HDAC9: variants seen among roughly 807,000 people sequenced by gnomAD.
The protein encoded by HDAC9 is histone deacetylase 9, also known as MEF-2 interacting transcription repressor (MITR) protein.
In HDAC9, 41 loss-of-function variants were observed where a neutral mutation model predicts 139.4. The observed-to-expected ratio is 0.29, with a 90% CI of 0.23 to 0.38. The LOEUF (loss-of-function observed/expected upper bound fraction) is 0.38, where lower values mean the gene tolerates loss of function less well. HDAC9 is among the 10% of genes least tolerant of loss of function. The pLI is 1.00. For missense variants in HDAC9, 1,147 were observed against 1,297.0 expected, an observed-to-expected ratio of 0.88 and a Z score of 1.78; for synonymous variants, 517 against 476.2, an observed-to-expected ratio of 1.09 and a Z score of -1.12.
chr7:18,589,018 T>C (rs1830209176), intron 3 of HDAC9, among the ~76,000 whole-genome samples: 1 of 152,160 alleles, frequency 6.6e-6, no homozygotes, highest in Non-Finnish European at 1.5e-5. Flanking sequence ...ACGTTATGAA[T>C]ATGCGGCTGA....
chr7:18,715,374 T>C (rs918674724), intron 12 of HDAC9, among the ~76,000 whole-genome samples: 1 of 152,304 alleles, frequency 6.6e-6, no homozygotes, highest in African/African-American at 2.4e-5. Context: ...CTGTCAGTAA[T>C]TGGCTCCTAG....
chr7:18,235,738 G>A (rs1793769925), intron 2 of HDAC9, among the ~76,000 whole-genome samples: 1 of 152,108 alleles, frequency 6.6e-6, no homozygotes, highest in Non-Finnish European at 1.5e-5. Flanking sequence ...GCCTTATTTT[G>A]TAGTCGAGAA....
At chr7:18,713,347 C>A (rs1482927095) in intron 12 of HDAC9, among the ~76,000 whole-genome samples, 4 of 152,210 alleles carry the variant, frequency 2.6e-5, no homozygotes, top group Admixed American at 2.6e-4. Flanking sequence ...ATTATTGACC[C>A]ATGAGACTAA....
At chr7:18,889,536 T>G (rs1800488391) in intron 22 of HDAC9, among the ~76,000 whole-genome samples, 1 of 152,204 alleles carries the variant, frequency 6.6e-6, no homozygotes. Flanking sequence ...TTATTCAAGA[T>G]ATTTTCATAA....
intron 2 of HDAC9, among the ~76,000 whole-genome samples, chr7:18,571,227 A>G (rs1215432913): frequency 6.6e-6 from 1 of 152,242 alleles, no homozygotes; most frequent in Admixed American, 6.5e-5. Flanking sequence ...TTAATTCAGC[A>G]TTTTAAAATT....
At chr7:18,391,058 C>T (rs1585567016) in intron 1 of HDAC9, among the ~76,000 whole-genome samples, 1 of 152,138 alleles carries the variant, frequency 6.6e-6, no homozygotes, top group African/African-American at 2.4e-5. Flanking sequence ...CATTGCACTC[C>T]AGCCTGGGCA....
chr7:18,309,204 C>T (rs2128622576), intron 1 of HDAC9, among the ~76,000 whole-genome samples: 1 of 152,210 alleles, frequency 6.6e-6, no homozygotes. Flanking sequence ...GCCCAAGGTA[C>T]ACTCGTCCTT....
intron 22 of HDAC9, among the ~76,000 whole-genome samples, chr7:18,911,121 T>C (rs111455082): frequency 5.3e-5 from 8 of 151,726 alleles, no homozygotes; most frequent in African/African-American, 1.9e-4. Context: ...TGATTCTATC[T>C]TGTTATTTGT....
chr7:18,634,082 G>A (rs574285682), intron 7 of HDAC9, among the ~76,000 whole-genome samples: 5 of 152,146 alleles, frequency 3.3e-5, no homozygotes, highest in African/African-American at 1.2e-4. Context: ...GCAATGTTGA[G>A]ATTTTACATT....
chr7:18,968,735 G>A (rs530170519), intron 24 of HDAC9, among the ~76,000 whole-genome samples: 14 of 152,064 alleles, frequency 9.2e-5, no homozygotes, highest in Admixed American at 6.5e-4. Context: ...CGAGGCGGGC[G>A]GATCAGGAGG....
intron 1 of HDAC9, among the ~76,000 whole-genome samples, chr7:18,415,173 T>G (rs1165230882): frequency 6.6e-6 from 1 of 152,188 alleles, no homozygotes; most frequent in Non-Finnish European, 1.5e-5. Context: ...CACTGCTCTT[T>G]CTAATGGCGT....
chr7:18,896,310 T>C (rs1801193669), intron 22 of HDAC9, among the ~76,000 whole-genome samples: 1 of 152,092 alleles, frequency 6.6e-6, no homozygotes, highest in South Asian at 2.1e-4. Context: ...CTAATCACTT[T>C]AAGAGCCAAG....
At chr7:18,151,891 A>G (rs975411375) in intron 1 of HDAC9, 1 of 152,232 alleles carries the variant, frequency 6.6e-6, no homozygotes, top group Non-Finnish European at 1.5e-5. Context: ...TAATTTTTAA[A>G]TTGTTTCTTG....
At chr7:18,441,426 A>G (rs1330765009) in intron 1 of HDAC9, among the ~76,000 whole-genome samples, 2 of 152,204 alleles carry the variant, frequency 1.3e-5, no homozygotes, top group South Asian at 2.1e-4. Context: ...TGTTTAAATA[A>G]ATATATTTAG....
intron 1 of HDAC9, among the ~76,000 whole-genome samples, chr7:18,394,049 T>C (rs1786794538): frequency 6.6e-6 from 1 of 152,190 alleles, no homozygotes; most frequent in Non-Finnish European, 1.5e-5. Context: ...AAATTTAGGA[T>C]TGATTTCAAA....
intron 1 of HDAC9, among the ~76,000 whole-genome samples, chr7:18,378,001 A>G (rs1328340238): frequency 2.0e-5 from 3 of 152,176 alleles, no homozygotes; most frequent in Non-Finnish European, 4.4e-5. Context: ...TCCCCAGTAG[A>G]TGCAAGAAAA....
At chr7:18,251,052 C>A (rs1457888897) in intron 2 of HDAC9, among the ~76,000 whole-genome samples, 1 of 152,156 alleles carries the variant, frequency 6.6e-6, no homozygotes, top group Non-Finnish European at 1.5e-5. Flanking sequence ...AAAATACATG[C>A]ACATGTATGG....
intron 1 of HDAC9, among the ~76,000 whole-genome samples, chr7:18,141,109 T>G (rs1296678480): frequency 6.6e-6 from 1 of 152,210 alleles, no homozygotes; most frequent in African/African-American, 2.4e-5. Flanking sequence ...CTGAGGGCCC[T>G]GCTGAAGCAC....
intron 12 of HDAC9, among the ~76,000 whole-genome samples, chr7:18,707,569 A>T (rs1262172939): frequency 1.3e-5 from 2 of 152,196 alleles, no homozygotes; most frequent in African/African-American, 4.8e-5. Flanking sequence ...TATATGAAAA[A>T]ATCAAGATGC....
Sources: allele counts gnomAD v4.1 joint callset (sites outside exome capture counted in the v4.1 genomes callset), GRCh38; gene constraint gnomAD v4.1.1; transcripts MANE v1.5; gene names NCBI Gene and HGNC (gene_info 2026-07-23, HGNC 2026-07-21).